The following SPTLC1 variants were observed in gnomAD, a reference collection of about 807,000 sequenced individuals.
SPTLC1 encodes serine palmitoyltransferase 1.
Under a neutral mutation model 68.9 loss-of-function variants are expected in SPTLC1, and 55 were observed. The observed-to-expected ratio is 0.80, with a 90% CI of 0.64 to 1.00. The LOEUF (loss-of-function observed/expected upper bound fraction) is 1.00, where lower values mean the gene tolerates loss of function less well. Among genes scored for constraint, SPTLC1 ranks in the 50% least tolerant of loss-of-function variants. The pLI, the probability that SPTLC1 is intolerant of heterozygous loss-of-function variation, is 0.00. For missense variants in SPTLC1, 449 were observed against 573.1 expected (o/e 0.78, Z 2.21); for synonymous variants, 197 against 201.6 (o/e 0.98, Z 0.19).
chr9:92,065,836 A>G (rs1834259229), intron 6 of SPTLC1, among the ~76,000 whole-genome samples: 1 of 152,200 alleles, frequency 6.6e-6, no homozygotes, highest in Admixed American at 6.5e-5. Flanking sequence ...TAGTGCTCCT[A>G]GACTGCTGTA....
At chr9:92,049,923 A>G (rs1398157734) in intron 9 of SPTLC1, 37 bp downstream of exon 9, 12 of 1,296,144 alleles carry the variant, frequency 9.3e-6, no homozygotes, top group African/African-American at 4.4e-5. Context: ...CATGTCTCCT[A>G]TAAGAGGGGA....
intron 6 of SPTLC1, among the ~76,000 whole-genome samples, chr9:92,060,001 A>G (rs746246772): frequency 6.6e-6 from 1 of 152,096 alleles, no homozygotes; most frequent in South Asian, 2.1e-4. Flanking sequence ...TTCCACCTGC[A>G]CTTGGGAGTA....
At chr9:92,052,994 T>C (rs1010531796) in intron 8 of SPTLC1, among the ~76,000 whole-genome samples, 1 of 151,280 alleles carries the variant, frequency 6.6e-6, no homozygotes, top group African/African-American at 2.4e-5. Context: ...AAATCATGTA[T>C]CTGATAAACA....
intron 3 of SPTLC1, among the ~76,000 whole-genome samples, chr9:92,097,895 T>C (rs987714751): frequency 6.6e-6 from 1 of 152,202 alleles, no homozygotes; most frequent in African/African-American, 2.4e-5. Flanking sequence ...TTATGGTAAA[T>C]AGATTATATA....
At chr9:92,081,969 A>G (rs1587956122) in intron 3 of SPTLC1, among the ~76,000 whole-genome samples, 1 of 152,186 alleles carries the variant, frequency 6.6e-6, no homozygotes, top group South Asian at 2.1e-4. Flanking sequence ...ATGAAAGCGA[A>G]CTAACTTATA....
At chr9:92,036,110 GTGA>G (rs1833130576) in intron 13 of SPTLC1, among the ~76,000 whole-genome samples, 2 of 152,212 alleles carry the variant, frequency 1.3e-5, no homozygotes, top group Admixed American at 6.5e-5. Context: ...AATGGAAGCT[GTGA>G]TGATGCACAG....
chr9:92,100,061 G>A (rs1299855968), intron 3 of SPTLC1, among the ~76,000 whole-genome samples: 3 of 151,414 alleles, frequency 2.0e-5, no homozygotes, highest in Non-Finnish European at 4.4e-5. Flanking sequence ...AAGGAAACCT[G>A]GGGAAAAAAA....
chr9:92,055,540 A>G, intron 7 of SPTLC1, 46 bp from the exon 8 acceptor site: 1 of 1,587,432 alleles, frequency 6.3e-7, no homozygotes, highest in Non-Finnish European at 8.6e-7. Context: ...GTAACTCTGA[A>G]GACAAGATCT....
intron 5 of SPTLC1, chr9:92,079,633 T>G: frequency 1.4e-6 from 2 of 1,393,532 alleles, no homozygotes; most frequent in Non-Finnish European, 2.0e-6. Flanking sequence ...GCTCTCCACT[T>G]TCTTCCTAGA....
chr9:92,104,041 C>T (rs1835861188), intron 3 of SPTLC1, among the ~76,000 whole-genome samples: 1 of 152,162 alleles, frequency 6.6e-6, no homozygotes, highest in Non-Finnish European at 1.5e-5. Context: ...TCGCTGGGCT[C>T]CTAAGCACTC....
intron 12 of SPTLC1, among the ~76,000 whole-genome samples, chr9:92,044,601 G>C (rs1833448695): frequency 6.6e-6 from 1 of 152,202 alleles, no homozygotes; most frequent in Non-Finnish European, 1.5e-5. Context: ...TGACAGGCAA[G>C]AGGAATTTAA....
intron 3 of SPTLC1, among the ~76,000 whole-genome samples, chr9:92,102,475 A>G (rs868387309): frequency 1.3e-5 from 2 of 152,360 alleles, no homozygotes; most frequent in Middle Eastern, 6.8e-3. Flanking sequence ...ATGAGTTATT[A>G]ATAAACACCC....
intron 4 of SPTLC1, among the ~76,000 whole-genome samples, chr9:92,080,470 G>C (rs1319608640): frequency 6.6e-6 from 1 of 152,188 alleles, no homozygotes; most frequent in African/African-American, 2.4e-5. Flanking sequence ...CTCTGTCTAG[G>C]TCCCGCTCAC....
chr9:92,048,500 A>C (rs1168603318), intron 9 of SPTLC1, among the ~76,000 whole-genome samples: 1 of 152,282 alleles, frequency 6.6e-6, no homozygotes, highest in East Asian at 1.9e-4. Flanking sequence ...ATTATGAAAA[A>C]TTTCAAGCCT....
At chr9:92,093,991 C>T (rs1367082503) in intron 3 of SPTLC1, among the ~76,000 whole-genome samples, 6 of 152,170 alleles carry the variant, frequency 3.9e-5, no homozygotes, top group South Asian at 4.1e-4. Flanking sequence ...TTTTTCTCTA[C>T]GGATAAAGTT....
intron 8 of SPTLC1, among the ~76,000 whole-genome samples, chr9:92,053,023 C>T (rs535529786): frequency 6.7e-6 from 1 of 150,160 alleles, no homozygotes; most frequent in South Asian, 2.1e-4. Context: ...CCAGAATATA[C>T]AAGGAATTCT....
At chr9:92,045,524 TAAAAAAAAA>T (rs71362367) in intron 12 of SPTLC1, among the ~76,000 whole-genome samples, 100 of 31,626 alleles carry the variant, frequency 3.2e-3, no homozygotes, top group Middle Eastern at 0.024. Context: ...TCTTGTGTAG[TAAAAAAAAA>T]AAAAAAAAAA....
chr9:92,112,542 A>G lies in SPTLC1; in HGVS notation c.78T>C (p.Ile26=). 6.2e-7 allele frequency: 1 copy of G among 1,607,344 alleles called. No individual in the cohort carries two copies. The highest frequency in any genetic ancestry group is 8.5e-7 in the Non-Finnish European group (1 of 1,179,030). The change falls in exon 2 of 15, where the codon ATT becomes ATC. Residue 26 remains isoleucine, a synonymous_variant. Transcript: ENST00000262554. ...TCCAGAGGATCAGAATCCCTTCCAA[A>G]ATAAGATGGTAAGCAGGAGCCTAAG... ...ALYEAPAYHL[I]LEGILILWII...
intron 5 of SPTLC1, chr9:92,079,800 T>C (rs1172643140): frequency 1.5e-6 from 1 of 651,830 alleles, no homozygotes; most frequent in Non-Finnish European, 2.7e-6. Context: ...CACACGAGGA[T>C]GAGCCCACCA....
Sources: allele counts gnomAD v4.1 joint callset (sites outside exome capture counted in the v4.1 genomes callset), GRCh38; gene constraint gnomAD v4.1.1; transcripts MANE v1.5; gene names NCBI Gene and HGNC (gene_info 2026-07-23, HGNC 2026-07-21).